Variants in VAT1L observed in about 807,000 individuals in gnomAD.
The protein encoded by VAT1L is vesicle amine transport 1 like, also known as putative NADPH-dependent quinone oxidoreductase VAT1L.
In VAT1L, 34 loss-of-function variants were observed where a neutral mutation model predicts 44.1. The observed-to-expected ratio is 0.77, with a 90% confidence interval of 0.59 to 1.03. VAT1L has a LOEUF of 1.03. VAT1L is among the 50% of genes least tolerant of loss of function. VAT1L has a pLI of 0.00. For synonymous variants in VAT1L, 253 were observed against 202.2 expected (o/e 1.25, Z -2.13); for missense variants, 615 against 538.8 (o/e 1.14, Z -1.40).
intron 1 of VAT1L, among the ~76,000 whole-genome samples, chr16:77,807,075 A>G (rs1234200540): frequency 2.6e-5 from 4 of 152,278 alleles, no homozygotes; most frequent in Admixed American, 2.0e-4. Flanking sequence ...ACCATTTGTT[A>G]TAAGAACCAC....
intron 7 of VAT1L, among the ~76,000 whole-genome samples, chr16:77,968,227 A>G (rs1442940958): frequency 6.6e-6 from 1 of 152,142 alleles, no homozygotes; most frequent in African/African-American, 2.4e-5. Context: ...GTGTTACAGG[A>G]AAGGGGTCCT....
chr16:77,954,001 C>T (rs1212869328), intron 7 of VAT1L, among the ~76,000 whole-genome samples: 1 of 152,148 alleles, frequency 6.6e-6, no homozygotes, highest in African/African-American at 2.4e-5. Context: ...CCTGCTAATT[C>T]TAACTTCTCA....
rs181759388 is a variant in VAT1L, at chr16:77,804,186, G to A, written c.234-12735G>A. Among the ~76,000 whole-genome samples the A allele has an allele frequency of 1.4e-4, 21 of 152,276 alleles. No individual in the cohort carries two copies. In the East Asian group the frequency reaches 3.9e-3, roughly 28 times the overall value. The stretch of plus-strand genomic sequence containing the variant: ...ATGTTCTATGCAACCAGTCACTGCC[G>A]AACACCTGTTTGAAGTGAATGCCTT... On this transcript the variant is annotated intron_variant, in intron 1 of 8. Coordinates refer to ENST00000302536, the MANE Select transcript of VAT1L (RefSeq NM_020927.3).
At chr16:77,971,290 A>G (rs1487777115) in intron 7 of VAT1L, among the ~76,000 whole-genome samples, 4 of 152,184 alleles carry the variant, frequency 2.6e-5, no homozygotes, top group Non-Finnish European at 5.9e-5. Flanking sequence ...TTGAAAAGAA[A>G]CAGGAGGCCC....
intron 7 of VAT1L, among the ~76,000 whole-genome samples, chr16:77,944,123 G>A (rs1480192370): frequency 6.6e-6 from 1 of 152,114 alleles, no homozygotes; most frequent in African/African-American, 2.4e-5. Flanking sequence ...GTATGACTGG[G>A]ATCTAGTGAA....
chr16:77,824,329 T>C (rs562861472), intron 2 of VAT1L, among the ~76,000 whole-genome samples: 3 of 152,338 alleles, frequency 2.0e-5, no homozygotes, highest in Non-Finnish European at 4.4e-5. Context: ...GAGAGGGTAG[T>C]GGCTGAAGAT....
chr16:77,805,586 C>T (rs1264562768), intron 1 of VAT1L, among the ~76,000 whole-genome samples: 1 of 102,114 alleles, frequency 9.8e-6, no homozygotes, highest in African/African-American at 3.8e-5. Flanking sequence ...AAGCCTCGCA[C>T]GAGGTCTGCT....
rs766240816 is a variant in VAT1L at position 77,825,325 on chromosome 16, A to C, written c.443A>C (p.Lys148Thr). The C allele has an allele frequency of 1.1e-5, 18 of 1,614,196 alleles. 1 individual carries two copies. In the South Asian group the frequency reaches 2.0e-4, roughly 18 times the overall value. The stretch of plus-strand genomic sequence containing the variant: ...TGCACACCAGTGGAGTTTGTCTACA[A>C]GATCCCGGATGACATGAGCTTCTCC... ...VVCTPVEFVY[K>T]IPDDMSFSEA... The change falls in exon 3 of 9, where the codon AAG becomes ACG. Residue 148 changes from lysine (K) to threonine (T), a missense_variant. Lys to Thr is a moderately conservative substitution (Grantham distance 78). Coordinates refer to ENST00000302536, the MANE Select transcript of VAT1L (RefSeq NM_020927.3).
At position 77,788,748 on chromosome 16, in the gene VAT1L, G is replaced by A. The variant is rs1287009438; in HGVS notation, c.66G>A (p.Lys22=). The A allele has an allele frequency of 1.3e-6, 2 of 1,561,446 alleles. No homozygotes were observed. The highest frequency in any genetic ancestry group is 1.3e-5 in the African/African-American group (1 of 74,130). Reference sequence around the variant, plus strand: ...AAATGATCGAGAAGGAGGCAGGCAAGGAGCCGGCGGAGGGCGGCGGCGGCG... The same window carrying A: ...AAATGATCGAGAAGGAGGCAGGCAAAGAGCCGGCGGAGGGCGGCGGCGGCG... ...TEQMIEKEAG[K]EPAEGGGGDG... Residue 22 remains lysine, a synonymous_variant, in exon 1 of 9, where the codon AAG becomes AAA. Transcript: ENST00000302536.
chr16:77,843,141 G>C (rs912376632), intron 3 of VAT1L, among the ~76,000 whole-genome samples: 2 of 152,232 alleles, frequency 1.3e-5, no homozygotes, highest in African/African-American at 2.4e-5. Context: ...CAGGAAATGA[G>C]AAAGGGGACA....
At chr16:77,886,448 A>G (rs2017210383) in intron 7 of VAT1L, among the ~76,000 whole-genome samples, 1 of 152,210 alleles carries the variant, frequency 6.6e-6, no homozygotes, top group Non-Finnish European at 1.5e-5. Flanking sequence ...AAAGGACCCA[A>G]CAAATCTGGT....
chr16:77,793,418 A>C (rs2015870876), intron 1 of VAT1L, among the ~76,000 whole-genome samples: 1 of 152,196 alleles, frequency 6.6e-6, no homozygotes, highest in Non-Finnish European at 1.5e-5. Context: ...CATAAACTGG[A>C]ACTGTCTTAG....
chr16:77,831,521 C>G (rs1283987562), intron 3 of VAT1L, among the ~76,000 whole-genome samples: 3 of 152,142 alleles, frequency 2.0e-5, no homozygotes, highest in Non-Finnish European at 4.4e-5. Context: ...TTCCCCAAAC[C>G]CATAACCCTA....
At chr16:77,812,577 G>A (rs1046256259) in intron 1 of VAT1L, among the ~76,000 whole-genome samples, 2 of 152,132 alleles carry the variant, frequency 1.3e-5, no homozygotes, top group African/African-American at 4.8e-5. Context: ...TCTATTTAAT[G>A]GGATTAACGG....
At chr16:77,876,277 G>A (rs1457679927) in intron 4 of VAT1L, 93 bp from the exon 5 acceptor site, 16 of 1,141,940 alleles carry the variant, frequency 1.4e-5, no homozygotes, top group South Asian at 1.1e-4. Flanking sequence ...TCCTAATTCT[G>A]AGAGTCAGAC....
chr16:77,976,691 G>C (rs2018344401), intron 8 of VAT1L, among the ~76,000 whole-genome samples: 1 of 152,152 alleles, frequency 6.6e-6, no homozygotes, highest in African/African-American at 2.4e-5. Context: ...TCAGCCCTTT[G>C]CTAGACTCTT....
intron 7 of VAT1L, among the ~76,000 whole-genome samples, chr16:77,927,169 T>C (rs2017678959): frequency 6.6e-6 from 1 of 151,736 alleles, no homozygotes; most frequent in African/African-American, 2.4e-5. Flanking sequence ...AAATCTCATC[T>C]CTACTAAAAA....
chr16:77,970,640 A>G (rs1258533740), intron 7 of VAT1L, among the ~76,000 whole-genome samples: 1 of 152,188 alleles, frequency 6.6e-6, no homozygotes, highest in Non-Finnish European at 1.5e-5. Context: ...AGTTGCTTCA[A>G]TGTTCTGCCA....
intron 7 of VAT1L, among the ~76,000 whole-genome samples, chr16:77,946,096 G>A (rs912327011): frequency 1.3e-5 from 2 of 149,532 alleles, no homozygotes; most frequent in Non-Finnish European, 1.5e-5. Flanking sequence ...TACCACACCC[G>A]GCCAGGGCTT....
Sources: allele counts gnomAD v4.1 joint callset (sites outside exome capture counted in the v4.1 genomes callset), GRCh38; gene constraint gnomAD v4.1.1; transcripts MANE v1.5; gene names NCBI Gene and HGNC (gene_info 2026-07-23, HGNC 2026-07-21).